The following MYT1L variants were observed in gnomAD, a reference collection of about 807,000 sequenced individuals.
MYT1L encodes the protein myelin transcription factor 1-like protein.
MYT1L carries 12 observed loss-of-function variants against 126.7 expected under a neutral mutation model. The observed-to-expected ratio is 0.09, with a 90% CI of 0.06 to 0.15. The LOEUF is 0.15. Among genes scored for constraint, MYT1L ranks in the 10% least tolerant of loss-of-function variants. The probability of loss-of-function intolerance (pLI) is 1.00; values close to 1 mark genes in which losing one functional copy is unlikely to be tolerated. For synonymous variants in MYT1L, 541 were observed against 604.2 expected (o/e 0.90, Z 1.53); for missense variants, 979 against 1,585.2 (o/e 0.62, Z 6.49).
chr2:1,953,241 G>A (rs2058047200), intron 8 of MYT1L, among the ~76,000 whole-genome samples: 1 of 152,160 alleles, frequency 6.6e-6, no homozygotes, highest in Admixed American at 6.5e-5. Flanking sequence ...GGTATTACAG[G>A]CATGGGCCAC....
intron 4 of MYT1L, among the ~76,000 whole-genome samples, chr2:2,017,960 G>A (rs1023689404): frequency 3.9e-5 from 6 of 152,090 alleles, no homozygotes; most frequent in Non-Finnish European, 8.8e-5. Context: ...AGTGAAAGCA[G>A]GTATCTGTTT....
At chr2:1,963,239 T>G (rs2059104119) in intron 8 of MYT1L, among the ~76,000 whole-genome samples, 1 of 152,204 alleles carries the variant, frequency 6.6e-6, no homozygotes, top group Admixed American at 6.5e-5. Flanking sequence ...AAAGAAAATT[T>G]TTTTTCCCCC....
At chr2:2,272,499 G>C (rs1260893121) in intron 2 of MYT1L, among the ~76,000 whole-genome samples, 1 of 152,200 alleles carries the variant, frequency 6.6e-6, no homozygotes, top group Non-Finnish European at 1.5e-5. Flanking sequence ...TATAAGAAAA[G>C]AGTAGAAAAC....
chr2:2,295,663 CAGAGAG>C (rs377336266), intron 1 of MYT1L, among the ~76,000 whole-genome samples: 3 of 32,192 alleles, frequency 9.3e-5, no homozygotes, highest in African/African-American at 1.5e-4. Context: ...GACAGACAGA[CAGAGAG>C]AGAGAGAGAG....
chr2:1,860,482 C>T (rs1209406546), intron 18 of MYT1L, among the ~76,000 whole-genome samples: 1 of 152,234 alleles, frequency 6.6e-6, no homozygotes, highest in Non-Finnish European at 1.5e-5. Flanking sequence ...AGGGACCTCA[C>T]TCAGGGCTGG....
rs1395511780 is a variant in MYT1L, at chr2:1,912,358, G to A, written c.1619-248C>T. On this transcript the variant is annotated intron_variant, in intron 11 of 24. Coordinates refer to ENST00000647738, the MANE Select transcript of MYT1L (RefSeq NM_001303052.2). The surrounding 1 kb of genome is among the most constrained non-coding windows in gnomAD (Gnocchi z 4.3). The stretch of plus-strand genomic sequence containing the variant: ...CCTACAGACCCTACATGAAAGGCCA[G>A]AGAAAGAAGGTTGACGGGACTCTAT... Among the ~76,000 whole-genome samples the A allele has an allele frequency of 3.9e-5, 6 of 152,206 alleles. No homozygotes were observed. The highest frequency in any genetic ancestry group is 1.3e-4 in the Admixed American group (2 of 15,290).
chr2:1,867,480 A>C (rs2045731475), intron 18 of MYT1L, among the ~76,000 whole-genome samples: 1 of 152,178 alleles, frequency 6.6e-6, no homozygotes, highest in Non-Finnish European at 1.5e-5. Context: ...ACTTGAATCC[A>C]AAGTCCTCAA....
chr2:1,863,234 G>C (rs1264055838), intron 18 of MYT1L, among the ~76,000 whole-genome samples: 1 of 152,166 alleles, frequency 6.6e-6, no homozygotes, highest in Non-Finnish European at 1.5e-5. Context: ...TGTGGAGTGT[G>C]CTGTTTTCAC....
At chr2:1,814,316 C>T (rs1229414468) in intron 21 of MYT1L, among the ~76,000 whole-genome samples, 2 of 152,212 alleles carry the variant, frequency 1.3e-5, no homozygotes, top group African/African-American at 4.8e-5. Flanking sequence ...CCAGGAGGCC[C>T]TCCAGGCCCA....
At chr2:1,969,212 G>C (rs1015622045) in intron 8 of MYT1L, among the ~76,000 whole-genome samples, 22 of 152,202 alleles carry the variant, frequency 1.4e-4, no homozygotes, top group African/African-American at 5.1e-4. Context: ...CTGGGCCCCG[G>C]CGGGGGATGC....
rs1391821345 is a variant in MYT1L at position 2,019,238 on chromosome 2, CAGTG to C, written c.-157-21895_-157-21892del. Among the ~76,000 whole-genome samples, 67 of 152,174 alleles carry C rather than the reference CAGTG, an allele frequency of 4.4e-4. No homozygotes were observed. In the East Asian group the frequency reaches 6.6e-3, roughly 15 times the overall value. On this transcript the variant is annotated intron_variant, in intron 4 of 24. Transcript: ENST00000647738. ...AGTCTTTCCCATGCTGTTCTTGTGA[CAGTG>C]AGTAAGTCTGATAAGATTTGATGGT...
At chr2:2,039,059 T>A (rs543658351) in intron 4 of MYT1L, among the ~76,000 whole-genome samples, 2 of 152,252 alleles carry the variant, frequency 1.3e-5, no homozygotes, top group African/African-American at 4.8e-5. Flanking sequence ...AATTTCCCGG[T>A]ACGTGGAACA....
At chr2:2,330,614 G>A (rs756542876) in intron 1 of MYT1L, among the ~76,000 whole-genome samples, 6 of 152,108 alleles carry the variant, frequency 3.9e-5, no homozygotes, top group Non-Finnish European at 7.4e-5. Flanking sequence ...AAAATGATGT[G>A]CTTCATTTGT....
chr2:2,189,190 T>C (rs1032291219), intron 2 of MYT1L, among the ~76,000 whole-genome samples: 3 of 152,232 alleles, frequency 2.0e-5, no homozygotes, highest in Non-Finnish European at 4.4e-5. Flanking sequence ...CCTGAACTCC[T>C]GGCCATGCCG....
intron 12 of MYT1L, 70 bp downstream of exon 12, chr2:1,911,950 C>T (rs1238337317): frequency 9.5e-6 from 12 of 1,258,540 alleles, no homozygotes; most frequent in Non-Finnish European, 1.3e-5. Flanking sequence ...GTGGTAGGCC[C>T]CCCAGGAAGG....
At position 1,890,320 on chromosome 2, in the gene MYT1L, G is replaced by A. The variant is rs567772003; in HGVS notation, c.2284-843C>T. Among the ~76,000 whole-genome samples the A allele has an allele frequency of 5.1e-4, 77 of 152,214 alleles. 1 individual carries two copies. Among genetic ancestry groups the A allele is most frequent in the African/African-American group, 1.7e-3 (72 of 41,542 alleles). On this transcript the variant is annotated intron_variant, in intron 15 of 24. Transcript: ENST00000647738. ...ACTCCTGACCTCAAGTGATCCAGCC[G>A]CCTCAGCCCCTCAAAGTGCTGAGAT...
Position 2,224,392 on chromosome 2 carries a change from A to C in MYT1L, c.-420-51404T>G, listed in dbSNP as rs2093957330. Among the ~76,000 whole-genome samples, 1 of 152,150 alleles carries C rather than the reference A, an allele frequency of 6.6e-6. No homozygotes were observed. Among genetic ancestry groups the C allele is most frequent in the African/African-American group, 2.4e-5 (1 of 41,436 alleles). On this transcript the variant is annotated intron_variant, in intron 2 of 24. Transcript: ENST00000647738. This position sits in a 1 kb window ranked among gnomAD's most constrained non-coding sequence, Gnocchi z 4.0. ...TCCCTCAAAACTAACATCCCCAAAA[A>C]GACCGGAGAGCTGGCGAGGTGACAG...
Position 1,977,345 on chromosome 2 carries a change from A to T in MYT1L, c.152+1820T>A, listed in dbSNP as rs2060262527. On this transcript the variant is annotated intron_variant, in intron 8 of 24. Transcript: ENST00000647738. ...AAAGAGATCTCATGAACAGATCCAC[A>T]CACACATTACATGGGACACATAAAT... Among the ~76,000 whole-genome samples, 3 of 152,218 alleles carry T rather than the reference A, an allele frequency of 2.0e-5. No homozygotes were observed. In the South Asian group the frequency reaches 6.2e-4, roughly 31 times the overall value.
chr2:2,239,837 G>C (rs2094402085), intron 2 of MYT1L, among the ~76,000 whole-genome samples: 1 of 152,138 alleles, frequency 6.6e-6, no homozygotes, highest in Non-Finnish European at 1.5e-5. Flanking sequence ...AAGTCTCCCA[G>C]ACAGAGCAGA....
Sources: allele counts gnomAD v4.1 joint callset (sites outside exome capture counted in the v4.1 genomes callset), GRCh38; gene constraint gnomAD v4.1.1; non-coding constraint Gnocchi (gnomAD v3.1); transcripts MANE v1.5; gene names NCBI Gene and HGNC (gene_info 2026-07-23, HGNC 2026-07-21).